The following CYP2R1 variants were observed in gnomAD, a reference collection of about 807,000 sequenced individuals.
The protein encoded by CYP2R1 is vitamin D 25-hydroxylase.
A neutral mutation model predicts 45.7 loss-of-function variants in CYP2R1; 40 were observed. The ratio of observed to expected loss-of-function variants is 0.87; its 90% CI spans 0.68 to 1.14. The LOEUF is 1.14. Among genes scored for constraint, CYP2R1 ranks in the 50% most tolerant of loss-of-function variants. The pLI is 0.00. For missense variants in CYP2R1, 605 were observed against 602.6 expected (o/e 1.00, Z -0.04); for synonymous variants, 234 against 219.3 (o/e 1.07, Z -0.59).
At chr11:14,884,697 T>G (rs1848540710) in intron 2 of CYP2R1, among the ~76,000 whole-genome samples, 1 of 151,744 alleles carries the variant, frequency 6.6e-6, no homozygotes, top group South Asian at 2.1e-4. Flanking sequence ...TTTAAAAAAA[T>G]AAAAATTAAA....
Position 14,891,973 on chromosome 11 carries a change from G to T in CYP2R1, c.225+8C>A. On this transcript the variant is annotated splice_region_variant and intron_variant, in intron 1 of 4. Coordinates refer to ENST00000334636, the MANE Select transcript of CYP2R1 (RefSeq NM_024514.5). ...GCCCTCCCTGCCCGGGGCCCGTCGG[G>T]GCTGTACCTCTCCGTACACCTGGCT... The T allele has an allele frequency of 6.2e-7, 1 of 1,612,546 alleles. No individual in the cohort carries two copies. Among genetic ancestry groups the T allele is most frequent in the Non-Finnish European group, 8.5e-7 (1 of 1,179,532 alleles).
rs782242126 is a variant in CYP2R1, at chr11:14,880,506, CAT to C, written c.628_629del (p.Met210AspfsTer2). On this transcript the variant is annotated frameshift_variant, in exon 3 of 5. Transcript: ENST00000334636. LOFTEE classifies it high-confidence loss of function. ...CCACATTTTCACTAAATAACTCAAT[CAT>C]GTGCTGAAAATCGGTGTCTTCATAA... is the stretch of plus-strand genomic sequence containing the variant. The part of the protein sequence containing the change: ...FTYEDTDFQH[M>X]IELFSENVEL... 77 of 1,613,392 alleles carry C rather than the reference CAT, an allele frequency of 4.8e-5. No individual in the cohort carries two copies. Among genetic ancestry groups the C allele is most frequent in the Middle Eastern group, 1.6e-4 (1 of 6,082 alleles).
At chr11:14,885,401 G>T (rs1404358029) in intron 2 of CYP2R1, among the ~76,000 whole-genome samples, 2 of 152,104 alleles carry the variant, frequency 1.3e-5, no homozygotes, top group African/African-American at 4.8e-5. Flanking sequence ...AGTTCTGTAA[G>T]CTTATAAGTA....
chr11:14,880,036 G>A, intron 3 of CYP2R1, 100 bp downstream of exon 3: 3 of 1,183,854 alleles, frequency 2.5e-6, no homozygotes. Flanking sequence ...GGCATCGCAG[G>A]AGTTCCTAAA....
intron 2 of CYP2R1, 81 bp from the exon 3 acceptor site, chr11:14,880,849 G>A: frequency 1.5e-6 from 2 of 1,348,726 alleles, no homozygotes; most frequent in Non-Finnish European, 2.0e-6. Flanking sequence ...TTTTTTAATG[G>A]ATGGTTAGTC....
At chr11:14,887,258 ATAGAGCTTCAGGG>A (rs1848656273) in intron 1 of CYP2R1, 1 of 152,240 alleles carries the variant, frequency 6.6e-6, no homozygotes, top group East Asian at 1.9e-4. Flanking sequence ...GTATTTCAGG[ATAGAGCTTCAGGG>A]TAGAGCTTCA....
At chr11:14,888,429 G>A (rs886332235) in intron 1 of CYP2R1, among the ~76,000 whole-genome samples, 1 of 152,202 alleles carries the variant, frequency 6.6e-6, no homozygotes, top group Non-Finnish European at 1.5e-5. Flanking sequence ...AATGTGCAAA[G>A]TGCTGTTGAT....
At chr11:14,889,414 C>CA (rs1250918160) in intron 1 of CYP2R1, among the ~76,000 whole-genome samples, 3 of 152,200 alleles carry the variant, frequency 2.0e-5, no homozygotes, top group Non-Finnish European at 2.9e-5. Flanking sequence ...GGATAAAGAT[C>CA]AAATGCCGCT....
chr11:14,883,048 G>A (rs1848454704), intron 2 of CYP2R1, among the ~76,000 whole-genome samples: 1 of 152,194 alleles, frequency 6.6e-6, no homozygotes, highest in South Asian at 2.1e-4. Flanking sequence ...ACAAACAAAT[G>A]GAAGAACATT....
chr11:14,890,796 C>T (rs1000818426), intron 1 of CYP2R1: 11 of 879,860 alleles, frequency 1.3e-5, no homozygotes, highest in Non-Finnish European at 1.5e-5. Flanking sequence ...GATCCGCCCG[C>T]CTCGGCCTCC....
Position 14,892,099 on chromosome 11 carries a change from G to A in CYP2R1, c.107C>T (p.Pro36Leu), listed in dbSNP as rs202122669. Residue 36 changes from proline to leucine, a missense_variant, in exon 1 of 5, where the codon CCG (proline) becomes CTG (leucine). Transcript: ENST00000334636. ...GVRQLLKQRR[P>L]MGFPPGPPGL... ...CGGCGGCCCCGGGGGGAAGCCCATC[G>A]GCCGCCTCTGCTTCAGCAGCTGGCG... 1,798 of 1,611,658 alleles carry A rather than the reference G, an allele frequency of 1.1e-3. No individual in the cohort carries two copies. The highest frequency in any genetic ancestry group is 1.4e-3 in the Non-Finnish European group (1,661 of 1,179,666).
At chr11:14,885,718 T>C in intron 2 of CYP2R1, 58 bp downstream of exon 2, 1 of 1,564,094 alleles carries the variant, frequency 6.4e-7, no homozygotes, top group Non-Finnish European at 8.8e-7. Context: ...AAACTTAAAA[T>C]AAGGAATGTG....
At chr11:14,883,865 G>A (rs1437506209) in intron 2 of CYP2R1, among the ~76,000 whole-genome samples, 5 of 152,120 alleles carry the variant, frequency 3.3e-5, no homozygotes, top group African/African-American at 1.2e-4. Context: ...CAACAAGTGG[G>A]CGAAGGACAT....
intron 2 of CYP2R1, among the ~76,000 whole-genome samples, chr11:14,884,780 A>G (rs374961499): frequency 4.6e-5 from 7 of 152,254 alleles, no homozygotes; most frequent in African/African-American, 1.7e-4. Context: ...TATGATAAAA[A>G]CAGTCTAAAC....
rs567063734 is a variant in CYP2R1 at position 14,892,096 on chromosome 11, A to G, written c.110T>C (p.Met37Thr). Residue 37 changes from methionine (M) to threonine (T), a missense_variant, in exon 1 of 5, where the codon ATG (methionine) becomes ACG (threonine). Physicochemically the swap from Met to Thr is moderately conservative, Grantham distance 81. Transcript: ENST00000334636. ...VRQLLKQRRP[M>T]GFPPGPPGLP... The stretch of plus-strand genomic sequence containing the variant: ...CCCCGGCGGCCCCGGGGGGAAGCCC[A>G]TCGGCCGCCTCTGCTTCAGCAGCTG... 8 of 1,611,602 alleles carry G rather than the reference A, an allele frequency of 5.0e-6. No homozygotes were observed. In the South Asian group the frequency reaches 8.8e-5, roughly 18 times the overall value.
chr11:14,890,505 G>T, intron 1 of CYP2R1: 1 of 469,862 alleles, frequency 2.1e-6, no homozygotes, highest in Non-Finnish European at 2.7e-6. Context: ...TAAACCATTA[G>T]TGACTTTCTA....
chr11:14,885,723 A>T (rs1230114470), intron 2 of CYP2R1, 53 bp downstream of exon 2: 59 of 1,569,566 alleles, frequency 3.8e-5, no homozygotes, highest in Non-Finnish European at 4.6e-5. Flanking sequence ...TAAAATAAGG[A>T]ATGTGATTTA....
intron 1 of CYP2R1, chr11:14,891,017 G>A (rs1848831287): frequency 1.0e-6 from 1 of 985,314 alleles, no homozygotes; most frequent in African/African-American, 1.7e-5. Flanking sequence ...CTCCTTAAAA[G>A]GCTGTATCTG....
chr11:14,891,072 G>A (rs1363602967), intron 1 of CYP2R1: 13 of 985,292 alleles, frequency 1.3e-5, no homozygotes, highest in African/African-American at 1.7e-5. Context: ...ATATAAATAA[G>A]TGTAATTCAA....
Sources: gnomAD v4.1 joint callset for allele counts (sites outside exome capture counted in the v4.1 genomes callset) on GRCh38, gnomAD v4.1.1 for gene constraint, MANE v1.5 for transcripts, NCBI Gene and HGNC (gene_info 2026-07-23, HGNC 2026-07-21) for gene names.